Variants in HAPSTR1 observed in about 807,000 individuals in gnomAD.
HAPSTR1 encodes HUWE1 associated protein modifying stress responses.
At chr16:9,098,101 C>T in the HAPSTR1 span, among the ~76,000 whole-genome samples, 6 of 152,052 alleles carry the variant, frequency 3.9e-5, no homozygotes, top group Non-Finnish European at 5.9e-5. Flanking sequence ...GAGGCTGAGG[C>T]GGAAGGATCA....
chr16:9,094,814 G>T, the HAPSTR1 span, among the ~76,000 whole-genome samples: 5 of 152,196 alleles, frequency 3.3e-5, no homozygotes, highest in African/African-American at 7.2e-5. Flanking sequence ...TTATGTGCCA[G>T]GTTCTTAGCC....
At chr16:9,116,366 C>G in the HAPSTR1 span, among the ~76,000 whole-genome samples, 5 of 152,162 alleles carry the variant, frequency 3.3e-5, no homozygotes, top group Admixed American at 3.3e-4. Context: ...TGTGCAGTAC[C>G]TACCTCATAG....
chr16:9,092,290 C>G, the HAPSTR1 span: 12 of 1,484,270 alleles, frequency 8.1e-6, no homozygotes, highest in African/African-American at 2.9e-5. Context: ...CCGCCGCCAT[C>G]TTGGTACCGC....
the HAPSTR1 span, chr16:9,104,358 C>T: frequency 1.3e-5 from 2 of 152,254 alleles, no homozygotes; most frequent in African/African-American, 4.8e-5. Flanking sequence ...CCACCTTGGC[C>T]TCCCAAAGTG....
chr16:9,113,978 A>G, the HAPSTR1 span, among the ~76,000 whole-genome samples: 3 of 152,298 alleles, frequency 2.0e-5, no homozygotes, highest in African/African-American at 7.2e-5. Context: ...AGGACTTTGA[A>G]GTATTATTCT....
At chr16:9,104,836 T>TTTG in the HAPSTR1 span, 1 of 152,320 alleles carries the variant, frequency 6.6e-6, no homozygotes, top group African/African-American at 2.4e-5. Flanking sequence ...GTGTACATAG[T>TTTG]TTGTTAGATT....
the HAPSTR1 span, chr16:9,092,332 C>T: frequency 1.5e-6 from 2 of 1,293,630 alleles, no homozygotes; most frequent in South Asian, 2.2e-5. Flanking sequence ...CGGCCCCGGC[C>T]CTATCGGCTC....
the HAPSTR1 span, chr16:9,121,242 C>A: frequency 6.6e-6 from 1 of 152,244 alleles, no homozygotes; most frequent in East Asian, 1.9e-4. Flanking sequence ...GCATGAGACA[C>A]TGCGCCTGGC....
the HAPSTR1 span, chr16:9,120,406 C>A: frequency 6.6e-6 from 1 of 152,256 alleles, no homozygotes; most frequent in Non-Finnish European, 1.5e-5. Flanking sequence ...GCCCGAGCAC[C>A]CAGGCTGGCT....
At chr16:9,097,415 G>C in the HAPSTR1 span, among the ~76,000 whole-genome samples, 1 of 151,826 alleles carries the variant, frequency 6.6e-6, no homozygotes. Flanking sequence ...CTAAGTTTTT[G>C]TATTTTTGGT....
chr16:9,117,009 GT>G, the HAPSTR1 span: 2 of 1,522,016 alleles, frequency 1.3e-6, no homozygotes, highest in Non-Finnish European at 1.8e-6. Context: ...ATCTTCCCTT[GT>G]TCACTGTTTA....
At chr16:9,115,629 C>G in the HAPSTR1 span, among the ~76,000 whole-genome samples, 1 of 152,046 alleles carries the variant, frequency 6.6e-6, no homozygotes, top group East Asian at 1.9e-4. Context: ...TAAAGTAACT[C>G]TTTTGTTTTT....
the HAPSTR1 span, chr16:9,109,855 C>G: frequency 1.3e-5 from 2 of 151,922 alleles, no homozygotes; most frequent in African/African-American, 4.8e-5. Flanking sequence ...TGTTGATTGC[C>G]GAGGCCTTTT....
the HAPSTR1 span, chr16:9,106,669 G>T: frequency 6.6e-6 from 1 of 151,904 alleles, no homozygotes; most frequent in South Asian, 2.1e-4. Context: ...ACACTTGTTC[G>T]CAACATGTTG....
At chr16:9,100,938 T>G in the HAPSTR1 span, among the ~76,000 whole-genome samples, 1 of 152,202 alleles carries the variant, frequency 6.6e-6, no homozygotes, top group African/African-American at 2.4e-5. Flanking sequence ...TGGGCTTACC[T>G]CCATTTGGCT....
the HAPSTR1 span, chr16:9,112,454 C>T: frequency 3.3e-5 from 5 of 152,286 alleles, no homozygotes; most frequent in Admixed American, 2.0e-4. Flanking sequence ...TGTCTTCTCA[C>T]CTCCAGGGCT....
chr16:9,103,378 G>A, the HAPSTR1 span: 1 of 1,076,872 alleles, frequency 9.3e-7, no homozygotes, highest in South Asian at 1.7e-5. Flanking sequence ...TAAACAGCTT[G>A]CTCTAGAAAT....
the HAPSTR1 span, among the ~76,000 whole-genome samples, chr16:9,098,557 C>G: frequency 7.8e-4 from 119 of 152,142 alleles, no homozygotes; most frequent in South Asian, 8.9e-3. Flanking sequence ...GGGCTCACAC[C>G]TGTAGTCCAG....
chr16:9,094,927 T>C, the HAPSTR1 span, among the ~76,000 whole-genome samples: 3 of 152,228 alleles, frequency 2.0e-5, no homozygotes, highest in Admixed American at 2.0e-4. Flanking sequence ...AGTGCTAACT[T>C]TTCGTGTAAG....
Sources: gnomAD v4.1 joint callset for allele counts (sites outside exome capture counted in the v4.1 genomes callset) on GRCh38, gnomAD v4.1.1 for gene constraint, MANE v1.5 for transcripts, NCBI Gene and HGNC (gene_info 2026-07-23, HGNC 2026-07-21) for gene names.